The following CACNA2D3 variants were observed in gnomAD, a reference collection of about 807,000 sequenced individuals.
CACNA2D3 encodes voltage-dependent calcium channel subunit alpha-2/delta-3.
Under a neutral mutation model 160.6 loss-of-function variants are expected in CACNA2D3, and 60 were observed. The ratio of observed to expected loss-of-function variants is 0.37; its 90% CI spans 0.30 to 0.46. The LOEUF is 0.46. CACNA2D3 is among the 20% of genes least tolerant of loss of function. The pLI is 1.00. For missense variants in CACNA2D3, 1,205 were observed against 1,365.0 expected, an observed-to-expected ratio of 0.88 and a Z score of 1.85; for synonymous variants, 558 against 492.9, an observed-to-expected ratio of 1.13 and a Z score of -1.75.
chr3:54,494,198 G>A (rs766936363), intron 4 of CACNA2D3, among the ~76,000 whole-genome samples: 6 of 152,202 alleles, frequency 3.9e-5, no homozygotes, highest in Non-Finnish European at 7.4e-5. Flanking sequence ...GACTAAACAT[G>A]TCTTTTCCTG....
intron 5 of CACNA2D3, among the ~76,000 whole-genome samples, chr3:54,545,918 G>A (rs980897118): frequency 2.0e-5 from 3 of 152,206 alleles, no homozygotes; most frequent in African/African-American, 7.2e-5. Context: ...CTTGCATTCA[G>A]ATCCAAGGCT....
intron 35 of CACNA2D3, among the ~76,000 whole-genome samples, chr3:55,035,714 G>C (rs1703802222): frequency 6.6e-6 from 1 of 152,196 alleles, no homozygotes; most frequent in Non-Finnish European, 1.5e-5. Flanking sequence ...TGGTGTTGAA[G>C]AAAGGAGGCA....
chr3:54,273,550 C>G (rs1702664679), intron 2 of CACNA2D3, among the ~76,000 whole-genome samples: 1 of 152,148 alleles, frequency 6.6e-6, no homozygotes, highest in Non-Finnish European at 1.5e-5. Flanking sequence ...GGCAGCGTTT[C>G]CCCTTTGGTG....
At chr3:54,661,336 C>T (rs1575411355) in intron 11 of CACNA2D3, among the ~76,000 whole-genome samples, 1 of 152,278 alleles carries the variant, frequency 6.6e-6, no homozygotes, top group East Asian at 1.9e-4. Flanking sequence ...ATTTTGCTTT[C>T]AGATGATGTG....
intron 27 of CACNA2D3, among the ~76,000 whole-genome samples, chr3:54,940,265 T>C (rs1701433651): frequency 6.6e-6 from 1 of 152,218 alleles, no homozygotes; most frequent in Admixed American, 6.5e-5. Flanking sequence ...TTTCTACTTA[T>C]CCTTGAGAAA....
chr3:54,862,970 A>G (rs1699324572), intron 17 of CACNA2D3, among the ~76,000 whole-genome samples: 1 of 152,226 alleles, frequency 6.6e-6, no homozygotes, highest in African/African-American at 2.4e-5. Context: ...GTCTTTTGAT[A>G]TGGTCAACTG....
intron 11 of CACNA2D3, among the ~76,000 whole-genome samples, chr3:54,732,008 A>G (rs1043344136): frequency 1.4e-4 from 22 of 152,054 alleles, no homozygotes; most frequent in Non-Finnish European, 2.1e-4. Context: ...TTCCTTAATC[A>G]TCTTCAAATG....
chr3:54,505,427 A>G (rs1352347487), intron 5 of CACNA2D3, among the ~76,000 whole-genome samples: 2 of 152,096 alleles, frequency 1.3e-5, no homozygotes, highest in Non-Finnish European at 2.9e-5. Context: ...AATCTAAACA[A>G]ATCCTAGAGG....
chr3:54,495,755 A>G (rs1701193134), intron 4 of CACNA2D3, among the ~76,000 whole-genome samples: 1 of 152,126 alleles, frequency 6.6e-6, no homozygotes, highest in African/African-American at 2.4e-5. Context: ...GTCTCAAAAC[A>G]AACAACCAAC....
chr3:54,505,409 G>C (rs1559499858), intron 5 of CACNA2D3, among the ~76,000 whole-genome samples: 4 of 152,106 alleles, frequency 2.6e-5, no homozygotes, highest in Admixed American at 2.0e-4. Flanking sequence ...CTTAGAGAAA[G>C]TGATGTGAAT....
chr3:54,158,168 T>C (rs1700278448), intron 2 of CACNA2D3, among the ~76,000 whole-genome samples: 1 of 152,186 alleles, frequency 6.6e-6, no homozygotes, highest in South Asian at 2.1e-4. Context: ...CCTGGCCCTG[T>C]ATTTCTGTGG....
chr3:54,136,705 T>G (rs549873192), intron 2 of CACNA2D3, among the ~76,000 whole-genome samples: 1 of 152,254 alleles, frequency 6.6e-6, no homozygotes, highest in South Asian at 2.1e-4. Context: ...CTGCTGTCCT[T>G]GTCTGGCTTC....
At chr3:54,835,012 T>TA (rs1559599510) in intron 14 of CACNA2D3, among the ~76,000 whole-genome samples, 1 of 152,174 alleles carries the variant, frequency 6.6e-6, no homozygotes, top group Non-Finnish European at 1.5e-5. Flanking sequence ...TAGTCACATC[T>TA]AAAAAACACC....
chr3:54,678,884 T>C (rs1003864436), intron 11 of CACNA2D3, among the ~76,000 whole-genome samples: 4 of 152,092 alleles, frequency 2.6e-5, no homozygotes, highest in Non-Finnish European at 5.9e-5. Context: ...AGTGTAGCAG[T>C]GGTAGCTCAA....
chr3:54,359,533 C>T (rs1262910098), intron 3 of CACNA2D3, among the ~76,000 whole-genome samples: 4 of 152,154 alleles, frequency 2.6e-5, no homozygotes, highest in Non-Finnish European at 1.5e-5. Context: ...ATTTATGTCA[C>T]GCAAGAAACC....
chr3:54,808,765 C>G (rs1304785889), intron 13 of CACNA2D3, among the ~76,000 whole-genome samples: 2 of 152,162 alleles, frequency 1.3e-5, no homozygotes, highest in African/African-American at 2.4e-5. Context: ...GTACCTTGCT[C>G]AGACCCTATC....
chr3:54,561,337 G>A (rs1487839391), intron 5 of CACNA2D3, among the ~76,000 whole-genome samples: 2 of 152,148 alleles, frequency 1.3e-5, no homozygotes, highest in Non-Finnish European at 2.9e-5. Context: ...TTTTGTGGCA[G>A]TTGTGAATGG....
intron 11 of CACNA2D3, among the ~76,000 whole-genome samples, chr3:54,655,811 G>T (rs1699866554): frequency 6.6e-6 from 1 of 152,156 alleles, no homozygotes; most frequent in African/African-American, 2.4e-5. Context: ...ATAAAAAGGA[G>T]GTTTGAAAAG....
At chr3:54,920,280 C>T (rs1213099105) in intron 27 of CACNA2D3, among the ~76,000 whole-genome samples, 1 of 152,168 alleles carries the variant, frequency 6.6e-6, no homozygotes, top group Non-Finnish European at 1.5e-5. Context: ...TCATAAGTGG[C>T]CCTGTAAGTA....
Sources: allele counts gnomAD v4.1 joint callset (sites outside exome capture counted in the v4.1 genomes callset), GRCh38; gene constraint gnomAD v4.1.1; transcripts MANE v1.5; gene names NCBI Gene and HGNC (gene_info 2026-07-23, HGNC 2026-07-21).